MSL2: variants seen among roughly 807,000 people sequenced by gnomAD.
The protein encoded by MSL2 is E3 ubiquitin-protein ligase MSL2.
Under a neutral mutation model 35.8 loss-of-function variants are expected in MSL2, and 2 were observed. The ratio of observed to expected loss-of-function variants is 0.06; its 90% CI spans 0.02 to 0.18. The LOEUF (loss-of-function observed/expected upper bound fraction) is 0.18. Ranked by LOEUF, MSL2 falls within the 10% of genes least tolerant of loss-of-function variation. The pLI, the probability that MSL2 is intolerant of heterozygous loss-of-function variation, is 1.00. For synonymous variants in MSL2, 296 were observed against 255.7 expected (o/e 1.16, Z -1.50); for missense variants, 523 against 706.7 (o/e 0.74, Z 2.95).
chr3:136,175,010 C>T (rs1400241938), intron 1 of MSL2, among the ~76,000 whole-genome samples: 3 of 152,146 alleles, frequency 2.0e-5, no homozygotes, highest in Admixed American at 6.5e-5. Flanking sequence ...CAAATAAACA[C>T]GTACACTCTA....
intron 1 of MSL2, among the ~76,000 whole-genome samples, chr3:136,193,008 CA>C (rs1940733977): frequency 6.6e-6 from 1 of 152,084 alleles, no homozygotes; most frequent in Non-Finnish European, 1.5e-5. Flanking sequence ...GCCAGCTACT[CA>C]ATCATAAGGG....
At chr3:136,169,471 C>T (rs958419968) in intron 1 of MSL2, among the ~76,000 whole-genome samples, 2 of 151,996 alleles carry the variant, frequency 1.3e-5, no homozygotes, top group East Asian at 1.9e-4. Flanking sequence ...TTTTTTGAGA[C>T]GCAGTCTCAC....
intron 1 of MSL2, among the ~76,000 whole-genome samples, chr3:136,189,250 G>C (rs1189016923): frequency 6.9e-6 from 1 of 144,220 alleles, no homozygotes; most frequent in Non-Finnish European, 1.5e-5. Context: ...ACTGAGCCGT[G>C]ATCATGCCAC....
chr3:136,165,207 CAAAAAAA>C (rs371730438), intron 1 of MSL2, among the ~76,000 whole-genome samples: 4 of 59,328 alleles, frequency 6.7e-5, no homozygotes, highest in South Asian at 4.7e-4. Context: ...AAGTTCGTGA[CAAAAAAA>C]AAAAAAAAAA....
In MSL2 at chr3:136,164,678, T is replaced by A. The variant is rs1208088850; in HGVS notation, c.143-11940A>T. Among the ~76,000 whole-genome samples, 6 of 151,898 alleles carry A rather than the reference T, an allele frequency of 4.0e-5. No homozygotes were observed. In the East Asian group the frequency reaches 1.2e-3, roughly 29 times the overall value. On this transcript the variant is annotated intron_variant, in intron 1 of 1. Transcript: ENST00000309993. ...AAATACCAGACAACATACTTGAATT[T>A]GTTGGAAAAAAAAATGCATCTTATC...
chr3:136,178,532 C>CA (rs1940246452), intron 1 of MSL2, among the ~76,000 whole-genome samples: 1 of 134,876 alleles, frequency 7.4e-6, no homozygotes, highest in Non-Finnish European at 1.6e-5. Context: ...TTTACTGGCA[C>CA]TTTTTTTTTT....
chr3:136,168,938 AG>A (rs1939931450), intron 1 of MSL2, among the ~76,000 whole-genome samples: 1 of 152,112 alleles, frequency 6.6e-6, no homozygotes, highest in African/African-American at 2.4e-5. Flanking sequence ...TATATACAGA[AG>A]AAAATACAGA....
chr3:136,181,114 C>T (rs1940346094), intron 1 of MSL2, among the ~76,000 whole-genome samples: 1 of 151,758 alleles, frequency 6.6e-6, no homozygotes, highest in Non-Finnish European at 1.5e-5. Context: ...GATTGCGCCA[C>T]TGCACTCCAA....
At chr3:136,194,883 C>A in intron 1 of MSL2, 89 bp downstream of exon 1, 3 of 1,571,796 alleles carry the variant, frequency 1.9e-6, no homozygotes, top group Non-Finnish European at 2.6e-6. Context: ...TTAATACCAA[C>A]CACCAGGCCG....
chr3:136,168,640 T>C (rs1289293831), intron 1 of MSL2, among the ~76,000 whole-genome samples: 5 of 151,998 alleles, frequency 3.3e-5, no homozygotes, highest in African/African-American at 1.2e-4. Flanking sequence ...GGAGTAGCAT[T>C]AGGAGAAATA....
At chr3:136,176,292 T>C (rs1026487294) in intron 1 of MSL2, among the ~76,000 whole-genome samples, 38 of 152,038 alleles carry the variant, frequency 2.5e-4, no homozygotes, top group African/African-American at 8.5e-4. Flanking sequence ...GGCAGGTGGA[T>C]TGCTTGAGTC....
intron 1 of MSL2, among the ~76,000 whole-genome samples, chr3:136,161,911 G>A (rs1156314979): frequency 4.6e-5 from 7 of 151,848 alleles, no homozygotes; most frequent in Admixed American, 4.6e-4. Context: ...GGACACAAGG[G>A]ATAGGAAGGG....
In MSL2 at chr3:136,152,022, A is replaced by T; in HGVS notation, c.859T>A (p.Cys287Ser). 6.2e-7 allele frequency: 1 copy of T among 1,614,232 alleles called. No homozygotes were observed. Among genetic ancestry groups the T allele is most frequent in the Non-Finnish European group, 8.5e-7 (1 of 1,180,042 alleles). The change falls in exon 2 of 2, where the codon TGC becomes AGC. Residue 287 changes from cysteine to serine, a missense_variant. Cys to Ser is a moderately radical substitution (Grantham distance 112). Transcript: ENST00000309993. ...LETVSNTEVCCPNLQPNLEAT... is the reference protein window; with the variant it reads ...LETVSNTEVCSPNLQPNLEAT... ...TCCAAGTTCGGCTGCAAATTAGGGC[A>T]ACAGACCTCTGTATTTGAAACAGTT...
chr3:136,184,097 C>T (rs529919418), intron 1 of MSL2, among the ~76,000 whole-genome samples: 1 of 151,108 alleles, frequency 6.6e-6, no homozygotes, highest in Non-Finnish European at 1.5e-5. Flanking sequence ...AGATAGAGAC[C>T]ATCCTGGCTA....
intron 1 of MSL2, among the ~76,000 whole-genome samples, chr3:136,155,124 G>T (rs112490075): frequency 4.0e-4 from 61 of 151,842 alleles, no homozygotes; most frequent in Admixed American, 2.3e-3. Flanking sequence ...CAGGACAATC[G>T]CTTGAACCCG....
intron 1 of MSL2, among the ~76,000 whole-genome samples, chr3:136,186,021 G>A (rs997689464): frequency 2.0e-5 from 3 of 152,058 alleles, no homozygotes; most frequent in Non-Finnish European, 4.4e-5. Context: ...AGAATATTTA[G>A]CTCAATTACC....
At chr3:136,175,416 T>A (rs139413147) in intron 1 of MSL2, among the ~76,000 whole-genome samples, 4 of 151,632 alleles carry the variant, frequency 2.6e-5, no homozygotes, top group African/African-American at 9.7e-5. Context: ...CCAGGTGCAG[T>A]GGCTCACACT....
At chr3:136,192,935 G>A (rs548036131) in intron 1 of MSL2, among the ~76,000 whole-genome samples, 1 of 152,144 alleles carries the variant, frequency 6.6e-6, no homozygotes, top group Admixed American at 6.5e-5. Context: ...TATAATCATA[G>A]ACTTACGTCC....
chr3:136,180,795 AGGGAG>A (rs1559969242), intron 1 of MSL2, among the ~76,000 whole-genome samples: 1,922 of 62,582 alleles, frequency 0.031, 112 homozygotes, highest in Non-Finnish European at 0.044. Context: ...GGAGGGAGGG[AGGGAG>A]GGAGGGAGGG....
Sources: allele counts gnomAD v4.1 joint callset (sites outside exome capture counted in the v4.1 genomes callset), GRCh38; gene constraint gnomAD v4.1.1; transcripts MANE v1.5; gene names NCBI Gene and HGNC (gene_info 2026-07-23, HGNC 2026-07-21).